MYO16: variants seen among roughly 807,000 people sequenced by gnomAD.
The protein encoded by MYO16 is myosin XVI.
In MYO16, 94 loss-of-function variants were observed where a neutral mutation model predicts 205.3. The ratio of observed to expected loss-of-function variants is 0.46; its 90% CI spans 0.39 to 0.54. The LOEUF is 0.54. Ranked by LOEUF, MYO16 falls within the 20% of genes least tolerant of loss-of-function variation. The pLI is 0.00. For synonymous variants in MYO16, 988 were observed against 954.0 expected, an observed-to-expected ratio of 1.04 and a Z score of -0.66; for missense variants, 2,315 against 2,387.5, an observed-to-expected ratio of 0.97 and a Z score of 0.63.
At position 108,913,005 on chromosome 13, in the gene MYO16, G is replaced by A. The variant is rs117589393; in HGVS notation, c.1925+2855G>A. On this transcript the variant is annotated intron_variant, in intron 16 of 34. Coordinates refer to ENST00000457511, the MANE Select transcript of MYO16 (RefSeq NM_001198950.3). The stretch of plus-strand genomic sequence containing the variant: ...TGTGTGGGAGAAAACAAGGATTTCT[G>A]TATTGAGCTTCAATTCTGACATTCA... Among the ~76,000 whole-genome samples, 67 of 152,290 alleles carry A rather than the reference G, an allele frequency of 4.4e-4. 2 individuals carry two copies. In the East Asian group the frequency reaches 0.011, roughly 26 times the overall value.
chr13:108,729,291 T>A (rs1215012034), intron 4 of MYO16, among the ~76,000 whole-genome samples: 1 of 152,134 alleles, frequency 6.6e-6, no homozygotes, highest in Non-Finnish European at 1.5e-5. Flanking sequence ...AGGAACCAAA[T>A]CGCCTTTCGA....
chr13:109,189,021 G>T (rs1031489725), intron 34 of MYO16, among the ~76,000 whole-genome samples: 1 of 152,002 alleles, frequency 6.6e-6, no homozygotes, highest in Non-Finnish European at 1.5e-5. Flanking sequence ...TTGAACCAGG[G>T]AGGCGAAGGT....
At chr13:109,016,772 G>A (rs546989186) in intron 22 of MYO16, among the ~76,000 whole-genome samples, 2 of 151,708 alleles carry the variant, frequency 1.3e-5, no homozygotes, top group South Asian at 2.1e-4. Flanking sequence ...TGAGACACAA[G>A]TATTGCAAAT....
chr13:108,510,425 A>T, the MYO16 span, among the ~76,000 whole-genome samples: 297 of 97,054 alleles, frequency 3.1e-3, 1 homozygote, highest in African/African-American at 1.0e-2. Flanking sequence ...TAGATAGTTA[A>T]TTTTTTTTTT....
the MYO16 span, among the ~76,000 whole-genome samples, chr13:108,563,109 C>T: frequency 4.9e-4 from 74 of 152,236 alleles, no homozygotes; most frequent in East Asian, 5.8e-4. Flanking sequence ...AAGGGAAATG[C>T]TTTCTGCGTT....
chr13:109,011,866 A>T (rs1244933079), intron 22 of MYO16, among the ~76,000 whole-genome samples: 4 of 152,184 alleles, frequency 2.6e-5, no homozygotes, highest in African/African-American at 7.2e-5. Flanking sequence ...CAATTAAAAT[A>T]TTTAAGACAC....
intron 1 of MYO16, among the ~76,000 whole-genome samples, chr13:108,643,312 C>T (rs2139383079): frequency 6.6e-6 from 1 of 152,304 alleles, no homozygotes; most frequent in Non-Finnish European, 1.5e-5. Flanking sequence ...GAGATCCAGC[C>T]AAGTTGTTGT....
At chr13:108,897,188 C>G (rs9587716) in intron 14 of MYO16, among the ~76,000 whole-genome samples, 40,352 of 151,958 alleles carry the variant, frequency 0.27, 5,750 homozygotes, top group Middle Eastern at 0.32. Context: ...AACTATCATG[C>G]AAGAGATACC....
chr13:108,540,994 A>C, the MYO16 span, among the ~76,000 whole-genome samples: 1 of 152,154 alleles, frequency 6.6e-6, no homozygotes, highest in Non-Finnish European at 1.5e-5. Context: ...AGATTAGGAA[A>C]TACTCTTAGG....
intron 33 of MYO16, among the ~76,000 whole-genome samples, chr13:109,170,660 A>G (rs1594154995): frequency 6.8e-6 from 1 of 148,038 alleles, no homozygotes; most frequent in South Asian, 2.1e-4. Context: ...ATCCTAAAAA[A>G]CTTAATAATA....
chr13:109,024,242 T>G (rs1320344104), intron 23 of MYO16, among the ~76,000 whole-genome samples: 1 of 151,732 alleles, frequency 6.6e-6, no homozygotes, highest in Non-Finnish European at 1.5e-5. Context: ...TAGTTAATAT[T>G]TGTTGAATTC....
intron 13 of MYO16, 59 bp from the exon 14 acceptor site, chr13:108,888,313 G>T: frequency 8.1e-7 from 1 of 1,229,420 alleles, no homozygotes; most frequent in Non-Finnish European, 1.1e-6. Context: ...AGGAACAAAG[G>T]AACAAGCTTT....
chr13:108,706,944 G>A (rs564622602), intron 2 of MYO16, among the ~76,000 whole-genome samples: 3 of 152,272 alleles, frequency 2.0e-5, no homozygotes, highest in African/African-American at 7.2e-5. Context: ...CAAGCTAATT[G>A]GCCCAAATTC....
chr13:108,532,465 T>A, the MYO16 span, among the ~76,000 whole-genome samples: 1 of 150,916 alleles, frequency 6.6e-6, no homozygotes, highest in African/African-American at 2.4e-5. Context: ...AGAGAGAGTG[T>A]GGTAACTGAA....
At chr13:108,939,843 C>T (rs980381117) in intron 16 of MYO16, among the ~76,000 whole-genome samples, 12 of 151,952 alleles carry the variant, frequency 7.9e-5, no homozygotes, top group Non-Finnish European at 1.8e-4. Context: ...ATACGTGATG[C>T]GTCATATATA....
At chr13:109,180,309 ACT>A (rs1302085442) in intron 34 of MYO16, among the ~76,000 whole-genome samples, 1 of 152,244 alleles carries the variant, frequency 6.6e-6, no homozygotes, top group Non-Finnish European at 1.5e-5. Flanking sequence ...TATAGAATGT[ACT>A]GTTTTATTTT....
chr13:109,100,551 A>G (rs1888927949), intron 27 of MYO16, among the ~76,000 whole-genome samples: 1 of 152,216 alleles, frequency 6.6e-6, no homozygotes, highest in African/African-American at 2.4e-5. Flanking sequence ...CTAAACATAT[A>G]TTAGAGGACT....
the MYO16 span, among the ~76,000 whole-genome samples, chr13:108,537,547 T>C: frequency 1.3e-5 from 2 of 152,168 alleles, no homozygotes; most frequent in African/African-American, 4.8e-5. Context: ...GAAGTAGTTT[T>C]ATGTTTAGTT....
At chr13:108,676,201 A>T (rs972797983) in intron 2 of MYO16, among the ~76,000 whole-genome samples, 2 of 152,192 alleles carry the variant, frequency 1.3e-5, no homozygotes, top group African/African-American at 4.8e-5. Flanking sequence ...AAATGGAAAA[A>T]GGCTGAAGAT....
Sources: gnomAD v4.1 joint callset for allele counts (sites outside exome capture counted in the v4.1 genomes callset) on GRCh38, gnomAD v4.1.1 for gene constraint, MANE v1.5 for transcripts, NCBI Gene and HGNC (gene_info 2026-07-23, HGNC 2026-07-21) for gene names.